TMEM260: variants seen among roughly 807,000 people sequenced by gnomAD.
The protein encoded by TMEM260 is transmembrane protein 260.
In TMEM260, 82 loss-of-function variants were observed where a neutral mutation model predicts 88.9. The ratio of observed to expected loss-of-function variants is 0.92; its 90% CI spans 0.77 to 1.11. The LOEUF (loss-of-function observed/expected upper bound fraction) is 1.11, where lower values mean the gene tolerates loss of function less well. TMEM260 is among the 50% of genes least tolerant of loss of function. TMEM260 has a pLI of 0.00. For missense variants in TMEM260, 902 were observed against 853.4 expected, an observed-to-expected ratio of 1.06 and a Z score of -0.71; for synonymous variants, 314 against 309.3, an observed-to-expected ratio of 1.02 and a Z score of -0.16.
chr14:56,653,594 C>T (rs147990938), downstream of TMEM260, among the ~76,000 whole-genome samples: 704 of 151,662 alleles, frequency 4.6e-3, 6 homozygotes, highest in African/African-American at 0.016. Context: ...ATTAGCTGGG[C>T]GAGGTGGTGC....
At chr14:56,629,282 T>TTC (rs1211568222) in intron 12 of TMEM260, among the ~76,000 whole-genome samples, 31 of 151,306 alleles carry the variant, frequency 2.0e-4, no homozygotes, top group African/African-American at 6.0e-4. Flanking sequence ...TTTTTTTTTT[T>TTC]TTTTGAAGCT....
At position 56,584,544 on chromosome 14, in the gene TMEM260, T is replaced by A. The variant is rs375261015; in HGVS notation, c.161-457T>A. Among the ~76,000 whole-genome samples, 18 of 152,270 alleles carry A rather than the reference T, an allele frequency of 1.2e-4. No homozygotes were observed. In the East Asian group the frequency reaches 1.7e-3, roughly 15 times the overall value. ...TCCAGTGCAATTAATGTGGAGAAGA[T>A]ACCCAAATGCCAGTTTTAGGGTAGT... On this transcript the variant is annotated intron_variant, in intron 1 of 15. Transcript: ENST00000261556.
chr14:56,601,254 A>T (rs1173465918), intron 3 of TMEM260, among the ~76,000 whole-genome samples: 2 of 152,160 alleles, frequency 1.3e-5, no homozygotes, highest in African/African-American at 4.8e-5. Flanking sequence ...TGAGTGTAAG[A>T]ATATGTGTTA....
chr14:56,595,650 T>C (rs2139526668), intron 3 of TMEM260, among the ~76,000 whole-genome samples: 2 of 152,144 alleles, frequency 1.3e-5, no homozygotes, highest in South Asian at 4.1e-4. Flanking sequence ...AGCTAATTTT[T>C]ATTTATTTTT....
chr14:56,589,115 T>C (rs1430818121), intron 3 of TMEM260, among the ~76,000 whole-genome samples: 1 of 152,144 alleles, frequency 6.6e-6, no homozygotes, highest in East Asian at 1.9e-4. Context: ...GAAGTCACTA[T>C]CATTAAACAT....
Position 56,579,929 on chromosome 14 carries a change from C to T in TMEM260, c.15C>T (p.Gly5=). 1.6e-6 allele frequency: 2 copies of T among 1,234,994 alleles called. No homozygotes were observed. Among genetic ancestry groups the T allele is most frequent in the Non-Finnish European group, 1.0e-6 (1 of 987,978 alleles). The allele number at this position is 1,234,994 out of a possible 1,614,324, so 76.5% of individuals were successfully genotyped here. The change falls in exon 1 of 16, where the codon GGC becomes GGT. Residue 5 remains glycine (G), a synonymous_variant. Transcript: ENST00000261556. MSPH[G]DGRGQAQGRA... Reference sequence around the variant, plus strand: ...GCCACTGGCCCATGAGTCCCCATGGCGACGGCAGGGGCCAGGCCCAGGGGC... The same window carrying T: ...GCCACTGGCCCATGAGTCCCCATGGTGACGGCAGGGGCCAGGCCCAGGGGC...
At chr14:56,641,064 G>A (rs1484729064) in intron 15 of TMEM260, among the ~76,000 whole-genome samples, 1 of 151,696 alleles carries the variant, frequency 6.6e-6, no homozygotes, top group African/African-American at 2.4e-5. Context: ...GTGACAGGAA[G>A]AATGGAACCA....
At chr14:56,591,527 G>T (rs74052042) in intron 3 of TMEM260, among the ~76,000 whole-genome samples, 1 of 152,146 alleles carries the variant, frequency 6.6e-6, no homozygotes, top group African/African-American at 2.4e-5. Context: ...AGGACTTAGC[G>T]TGATGATATG....
downstream of TMEM260, among the ~76,000 whole-genome samples, chr14:56,655,227 T>G (rs1168023249): frequency 6.6e-6 from 1 of 151,878 alleles, no homozygotes. Flanking sequence ...CCGTCTCTAC[T>G]AAAAATACAA....
chr14:56,622,036 A>G (rs1887956628), intron 11 of TMEM260, among the ~76,000 whole-genome samples: 1 of 152,140 alleles, frequency 6.6e-6, no homozygotes, highest in Non-Finnish European at 1.5e-5. Context: ...TGGTAAATCT[A>G]TTTTTAAATT....
Position 56,649,417 on chromosome 14 carries a change from T to G in TMEM260, c.*1920T>G, listed in dbSNP as rs1236257135. 1 of 152,330 alleles carries G rather than the reference T, an allele frequency of 6.6e-6. No individual in the cohort carries two copies. Among genetic ancestry groups the G allele is most frequent in the Admixed American group, 6.5e-5 (1 of 15,272 alleles). 9.4% of individuals were successfully genotyped at this position (152,330 alleles called of 1,614,324 possible). On this transcript the variant is annotated 3_prime_UTR_variant, in exon 16 of 16. Coordinates refer to ENST00000261556, the MANE Select transcript of TMEM260 (RefSeq NM_017799.4). ...AAAATGTAAGGAAGCATTGATAAAT[T>G]GTCTAAGTTTATCCATTTGAAAGAA...
intron 15 of TMEM260, among the ~76,000 whole-genome samples, chr14:56,640,939 A>G (rs972007249): frequency 6.6e-6 from 1 of 151,438 alleles, no homozygotes; most frequent in African/African-American, 2.5e-5. Flanking sequence ...AGAAGTTTAG[A>G]GAAAAAAGAA....
downstream of TMEM260, among the ~76,000 whole-genome samples, chr14:56,654,770 C>A (rs12323492): frequency 7.3e-6 from 1 of 136,598 alleles, no homozygotes; most frequent in Non-Finnish European, 1.5e-5. Flanking sequence ...GCCAAGATCG[C>A]GCCATTGCAC....
rs1890067987 is a variant in TMEM260 at position 56,647,920 on chromosome 14, T to TG, written c.*425dup. Reference sequence around the variant, plus strand: ...CAGACCAAAGACATTTTCTGTTTCCTGGAAAAAAAAAATGAATCATGTTAG... The same window carrying TG: ...CAGACCAAAGACATTTTCTGTTTCCTGGGAAAAAAAAAATGAATCATGTTAG... On this transcript the variant is annotated 3_prime_UTR_variant, in exon 16 of 16. Transcript: ENST00000261556. 1 of 126,044 alleles carries TG rather than the reference T, an allele frequency of 7.9e-6. No individual in the cohort carries two copies. Among genetic ancestry groups the TG allele is most frequent in the Non-Finnish European group, 1.8e-5 (1 of 56,134 alleles). 7.8% of individuals were successfully genotyped at this position (126,044 alleles called of 1,614,324 possible). A position where few individuals can be genotyped will look rare whatever the true frequency, so the allele number is the denominator to read the frequency against.
the TMEM260 span, among the ~76,000 whole-genome samples, chr14:56,660,007 C>A: frequency 0.015 from 2,307 of 152,030 alleles, 67 homozygotes; most frequent in African/African-American, 0.053. Flanking sequence ...GTCCTTGTAG[C>A]GAAATGATTT....
At chr14:56,599,608 A>G (rs1317106412) in intron 3 of TMEM260, among the ~76,000 whole-genome samples, 3 of 152,204 alleles carry the variant, frequency 2.0e-5, no homozygotes, top group Non-Finnish European at 2.9e-5. Context: ...AAAAATTTGT[A>G]TTAGCAGAGG....
chr14:56,579,714 G>A (rs138987663), upstream of TMEM260: 2,385 of 411,750 alleles, frequency 5.8e-3, 59 homozygotes, highest in African/African-American at 0.044. Flanking sequence ...GGGAAAACTC[G>A]CAGGGCCTGG....
chr14:56,615,775 G>A (rs1887555586), intron 7 of TMEM260, 169 bp from the exon 8 acceptor site: 1 of 567,226 alleles, frequency 1.8e-6, no homozygotes, highest in African/African-American at 1.9e-5. Context: ...AACTATTTAA[G>A]TCTTTCTATT....
chr14:56,612,612 T>A (rs949320071), intron 7 of TMEM260: 12 of 251,286 alleles, frequency 4.8e-5, no homozygotes, highest in Admixed American at 2.5e-4. Context: ...GTAAATGCTA[T>A]GTAAATAGTT....
Sources: allele counts gnomAD v4.1 joint callset (sites outside exome capture counted in the v4.1 genomes callset), GRCh38; gene constraint gnomAD v4.1.1; transcripts MANE v1.5; gene names NCBI Gene and HGNC (gene_info 2026-07-23, HGNC 2026-07-21).